The following STK32A variants were observed in gnomAD, a reference collection of about 807,000 sequenced individuals.
STK32A encodes serine/threonine kinase 32A.
A neutral mutation model predicts 53.2 loss-of-function variants in STK32A; 41 were observed. The ratio of observed to expected loss-of-function variants is 0.77; its 90% confidence interval spans 0.60 to 1.00. The LOEUF (loss-of-function observed/expected upper bound fraction) is 1.00, where lower values mean the gene tolerates loss of function less well. Among genes scored for constraint, STK32A ranks in the 50% least tolerant of loss-of-function variants. The pLI, the probability that STK32A is intolerant of heterozygous loss-of-function variation, is 0.00. For synonymous variants in STK32A, 166 were observed against 162.8 expected, an observed-to-expected ratio of 1.02 and a Z score of -0.15; for missense variants, 458 against 485.8, an observed-to-expected ratio of 0.94 and a Z score of 0.54.
intron 12 of STK32A, 120 bp downstream of exon 12, chr5:147,383,625 T>C (rs1757539764): frequency 1.1e-6 from 1 of 924,792 alleles, no homozygotes; most frequent in Non-Finnish European, 1.6e-6. Flanking sequence ...GGGAAAATGA[T>C]GCAATCTATT....
At chr5:147,393,894 G>T in the STK32A span, 2 of 823,412 alleles carry the variant, frequency 2.4e-6, no homozygotes, top group Non-Finnish European at 3.9e-6. Context: ...GCGTAACATT[G>T]GAGAAACATA....
intron 2 of STK32A, among the ~76,000 whole-genome samples, chr5:147,261,443 CTAATT>C (rs1050020954): frequency 2.0e-5 from 3 of 152,034 alleles, no homozygotes; most frequent in African/African-American, 4.8e-5. Flanking sequence ...TTCTGATTGG[CTAATT>C]TAAAGAGAAT....
At chr5:147,286,625 C>T (rs1396837724) in intron 4 of STK32A, among the ~76,000 whole-genome samples, 3 of 152,136 alleles carry the variant, frequency 2.0e-5, no homozygotes, top group Non-Finnish European at 2.9e-5. Flanking sequence ...TTCATCCCTA[C>T]TGTTACATAA....
At chr5:147,249,104 T>C (rs1753872544) in intron 2 of STK32A, among the ~76,000 whole-genome samples, 1 of 152,126 alleles carries the variant, frequency 6.6e-6, no homozygotes. Context: ...ATTAGGACAA[T>C]GTAATAAGCA....
chr5:147,275,690 C>G (rs1479866570), intron 2 of STK32A, among the ~76,000 whole-genome samples: 2 of 152,098 alleles, frequency 1.3e-5, no homozygotes, highest in African/African-American at 4.8e-5. Context: ...AAGGAAGTGA[C>G]TTCAGACAGT....
At chr5:147,292,915 T>C (rs1015668873) in intron 4 of STK32A, among the ~76,000 whole-genome samples, 9 of 152,196 alleles carry the variant, frequency 5.9e-5, no homozygotes, top group African/African-American at 2.2e-4. Flanking sequence ...TGTAGTTAAC[T>C]CTTGTTCTGT....
chr5:147,250,679 C>A (rs189349962), intron 2 of STK32A, among the ~76,000 whole-genome samples: 1 of 152,068 alleles, frequency 6.6e-6, no homozygotes, highest in Non-Finnish European at 1.5e-5. Context: ...CGGTGGCTCA[C>A]GCCTGTAATC....
rs1757568435 is a variant in STK32A at position 147,384,356 on chromosome 5, A to C, written c.*373A>C. Reference sequence around the variant, plus strand: ...TATATGAATATAGATTTATTTTTCCACTCCTTCTAATTATGCAGTGACAAA... The same window carrying C: ...TATATGAATATAGATTTATTTTTCCCCTCCTTCTAATTATGCAGTGACAAA... On this transcript the variant is annotated 3_prime_UTR_variant, in exon 13 of 13. Transcript: ENST00000397936. 1 of 1,504,006 alleles carries C rather than the reference A, an allele frequency of 6.6e-7. No homozygotes were observed. Among genetic ancestry groups the C allele is most frequent in the Non-Finnish European group, 8.8e-7 (1 of 1,130,610 alleles). The allele number at this position is 1,504,006 out of a possible 1,614,324, so 93.2% of individuals were successfully genotyped here. A position where few individuals can be genotyped will look rare whatever the true frequency, so the allele number is the denominator to read the frequency against.
At chr5:147,279,135 T>G in intron 3 of STK32A, 112 bp from the exon 4 acceptor site, 1 of 974,146 alleles carries the variant, frequency 1.0e-6, no homozygotes, top group Non-Finnish European at 1.4e-6. Flanking sequence ...CATCATATAA[T>G]TTGCAAATGT....
rs868083572 is a variant in STK32A at position 147,361,582 on chromosome 5, G to C, written c.628G>C (p.Gly210Arg). The C allele has an allele frequency of 3.1e-6, 5 of 1,613,328 alleles. No individual in the cohort carries two copies. The highest frequency in any genetic ancestry group is 2.7e-5 in the African/African-American group (2 of 74,886). The change falls in exon 8 of 13, where the codon GGA becomes CGA. Residue 210 changes from glycine (G) to arginine (R), a missense_variant. Coordinates refer to ENST00000397936, the MANE Select transcript of STK32A (RefSeq NM_001112724.2). The part of the protein sequence containing the change: ...YSFAVDWWSL[G>R]VTAYELLRGR... ...CTTTGCTGTTGACTGGTGGTCCCTG[G>C]GAGTGACGGCATATGAACTGCTGAG...
At chr5:147,241,342 G>T (rs937117154) in intron 2 of STK32A, among the ~76,000 whole-genome samples, 21 of 152,310 alleles carry the variant, frequency 1.4e-4, no homozygotes, top group Middle Eastern at 6.8e-3. Flanking sequence ...AGCCGGGCGT[G>T]GTGGTGGACG....
chr5:147,265,878 G>A (rs1268823214), intron 2 of STK32A, among the ~76,000 whole-genome samples: 1 of 152,116 alleles, frequency 6.6e-6, no homozygotes, highest in Non-Finnish European at 1.5e-5. Flanking sequence ...TCTCATTCAT[G>A]GAGAATTGTA....
rs528674631 is a variant in STK32A at position 147,272,945 on chromosome 5, C to T, written c.53-5179C>T. 2.1e-4 allele frequency among the ~76,000 whole-genome samples: 32 copies of T among 152,276 alleles called. No individual in the cohort carries two copies. The South Asian group carries it at 6.6e-3, about 32-fold the overall frequency. ...AGCAAGGTGTGCTGTTCTCAATAGA[C>T]TCACTTATGTTCATGATTTGGTACT... On this transcript the variant is annotated intron_variant, in intron 2 of 12. Transcript: ENST00000397936.
At chr5:147,338,823 G>T (rs1581112538) in intron 5 of STK32A, among the ~76,000 whole-genome samples, 1 of 152,138 alleles carries the variant, frequency 6.6e-6, no homozygotes, top group Non-Finnish European at 1.5e-5. Flanking sequence ...GGTATCTGGT[G>T]GAAGAAATTT....
At chr5:147,266,277 GA>G (rs1754804565) in intron 2 of STK32A, among the ~76,000 whole-genome samples, 1 of 152,182 alleles carries the variant, frequency 6.6e-6, no homozygotes, top group South Asian at 2.1e-4. Context: ...TGAGCTCAAA[GA>G]GTGAGTAAGT....
intron 2 of STK32A, among the ~76,000 whole-genome samples, chr5:147,251,993 A>G (rs1395332915): frequency 6.6e-6 from 1 of 152,044 alleles, no homozygotes; most frequent in African/African-American, 2.4e-5. Flanking sequence ...GCTGGAGCCC[A>G]GGAGTTCACA....
intron 4 of STK32A, among the ~76,000 whole-genome samples, chr5:147,290,575 C>G (rs1752553035): frequency 6.6e-6 from 1 of 152,148 alleles, no homozygotes; most frequent in South Asian, 2.1e-4. Flanking sequence ...CCTGTAGCTG[C>G]ACACAACTCC....
chr5:147,372,269 C>CTTTT lies in STK32A; in HGVS notation c.778-873_778-870dup, dbSNP rs71274369. ...GGGGCCCAAGAGGAATGGGCTTGGC[C>CTTTT]TTTTTTTTTTTTTTTTTTTTTTTTT... On this transcript the variant is annotated intron_variant, in intron 9 of 12. Transcript: ENST00000397936. Among the ~76,000 whole-genome samples the CTTTT allele has an allele frequency of 3.4e-3, 169 of 49,362 alleles. 8 individuals carry two copies. Among genetic ancestry groups the CTTTT allele is most frequent in the East Asian group, 8.0e-3 (9 of 1,128 alleles). The allele number at this position is 49,362 out of a possible 152,430, so 32.4% of individuals were successfully genotyped here.
chr5:147,254,234 A>G (rs961699889), intron 2 of STK32A, among the ~76,000 whole-genome samples: 4 of 152,128 alleles, frequency 2.6e-5, no homozygotes, highest in Non-Finnish European at 5.9e-5. Flanking sequence ...TAGGACTTCA[A>G]CCTATCTTTT....
Sources: allele counts gnomAD v4.1 joint callset (sites outside exome capture counted in the v4.1 genomes callset), GRCh38; gene constraint gnomAD v4.1.1; transcripts MANE v1.5; gene names NCBI Gene and HGNC (gene_info 2026-07-23, HGNC 2026-07-21).